The following CNTN1 variants were observed in gnomAD, a reference collection of about 807,000 sequenced individuals.
The protein encoded by CNTN1 is contactin-1.
In CNTN1, 38 loss-of-function variants were observed where a neutral mutation model predicts 126.4. The ratio of observed to expected loss-of-function variants is 0.30; its 90% CI spans 0.23 to 0.39. The LOEUF (loss-of-function observed/expected upper bound fraction) is 0.39, where lower values mean the gene tolerates loss of function less well. CNTN1 is among the 10% of genes least tolerant of loss of function. CNTN1 has a pLI of 1.00. For synonymous variants in CNTN1, 413 were observed against 422.6 expected (o/e 0.98, Z 0.28); for missense variants, 1,009 against 1,248.4 (o/e 0.81, Z 2.89).
At chr12:41,017,472 T>C (rs1410409708) in intron 19 of CNTN1, among the ~76,000 whole-genome samples, 1 of 151,624 alleles carries the variant, frequency 6.6e-6, no homozygotes, top group Non-Finnish European at 1.5e-5. Context: ...ATGTGTTTAA[T>C]TGCAGCATTT....
intron 15 of CNTN1, among the ~76,000 whole-genome samples, chr12:40,980,251 G>A (rs935131251): frequency 2.0e-4 from 31 of 152,114 alleles, no homozygotes; most frequent in African/African-American, 6.7e-4. Flanking sequence ...TGGACAACAC[G>A]GTGAAACCCA....
At chr12:41,047,707 T>C (rs970019217) in intron 23 of CNTN1, among the ~76,000 whole-genome samples, 2 of 152,102 alleles carry the variant, frequency 1.3e-5, no homozygotes, top group Non-Finnish European at 2.9e-5. Flanking sequence ...GCCATTCTCT[T>C]TTATACTTCT....
chr12:40,978,187 C>G (rs1208441616), intron 15 of CNTN1, among the ~76,000 whole-genome samples: 1 of 151,974 alleles, frequency 6.6e-6, no homozygotes, highest in Non-Finnish European at 1.5e-5. Flanking sequence ...GAAACTTGCC[C>G]AAGATAAATC....
chr12:40,891,662 CTTTG>C (rs933583013), intron 1 of CNTN1, among the ~76,000 whole-genome samples: 52 of 152,022 alleles, frequency 3.4e-4, no homozygotes, highest in African/African-American at 1.2e-3. Context: ...ATTAAATTGC[CTTTG>C]TTTCTTTGTC....
At position 41,006,227 on chromosome 12, in the gene CNTN1, G is replaced by A. The variant is rs570339324; in HGVS notation, c.2114-8001G>A. Among the ~76,000 whole-genome samples, 3 of 152,290 alleles carry A rather than the reference G, an allele frequency of 2.0e-5. No homozygotes were observed. The South Asian group carries it at 6.2e-4, about 32-fold the overall frequency. On this transcript the variant is annotated intron_variant, in intron 17 of 23. Transcript: ENST00000551295. Reference sequence around the variant, plus strand: ...CTGGACTGCATGCTATAACTCTGGGGGACTCATATTAGGCCCTGACTTTGT... The same window carrying A: ...CTGGACTGCATGCTATAACTCTGGGAGACTCATATTAGGCCCTGACTTTGT...
intron 1 of CNTN1, among the ~76,000 whole-genome samples, chr12:40,832,107 A>G (rs1252636243): frequency 4.6e-5 from 7 of 152,204 alleles, no homozygotes; most frequent in Admixed American, 4.6e-4. Flanking sequence ...CCAGAATAAC[A>G]TGTTTAGACT....
At chr12:40,924,704 G>C in intron 6 of CNTN1, 52 bp downstream of exon 6, 5 of 963,092 alleles carry the variant, frequency 5.2e-6, no homozygotes, top group Non-Finnish European at 8.5e-6. Context: ...AAATGGACAA[G>C]TTTCCATTTT....
intron 1 of CNTN1, among the ~76,000 whole-genome samples, chr12:40,782,320 C>T (rs756493444): frequency 2.6e-5 from 4 of 151,614 alleles, no homozygotes; most frequent in Non-Finnish European, 5.9e-5. Flanking sequence ...AAAGGTCAAA[C>T]CCTTTTAGCT....
chr12:40,864,440 A>T (rs1286739497), intron 1 of CNTN1, among the ~76,000 whole-genome samples: 1 of 152,086 alleles, frequency 6.6e-6, no homozygotes, highest in Non-Finnish European at 1.5e-5. Flanking sequence ...TAATTTCAGA[A>T]CATTTTTATT....
chr12:40,841,806 G>A (rs1011944902), intron 1 of CNTN1, among the ~76,000 whole-genome samples: 5 of 151,928 alleles, frequency 3.3e-5, no homozygotes, highest in Admixed American at 6.6e-5. Context: ...TAGGACAAAC[G>A]CATAGCTAAC....
At chr12:40,973,036 A>G (rs1341183725) in intron 15 of CNTN1, among the ~76,000 whole-genome samples, 1 of 152,094 alleles carries the variant, frequency 6.6e-6, no homozygotes. Context: ...AAAGGAAATC[A>G]TAGGACAGAT....
At chr12:40,696,241 C>G (rs1246590718) in intron 1 of CNTN1, among the ~76,000 whole-genome samples, 1 of 152,200 alleles carries the variant, frequency 6.6e-6, no homozygotes, top group Admixed American at 6.5e-5. Flanking sequence ...CCTAAACTGG[C>G]TTTTATCAAT....
At chr12:40,874,473 T>C (rs1328252410) in intron 1 of CNTN1, among the ~76,000 whole-genome samples, 1 of 152,160 alleles carries the variant, frequency 6.6e-6, no homozygotes, top group Non-Finnish European at 1.5e-5. Context: ...TAGATGTGTA[T>C]ATTATTTTAC....
Position 40,947,828 on chromosome 12 carries a change from C to CAT in CNTN1, c.1683+3661_1683+3662dup, listed in dbSNP as rs1555186380. Among the ~76,000 whole-genome samples the CAT allele has an allele frequency of 2.5e-3, 354 of 142,954 alleles. 10 individuals carry two copies. The highest frequency in any genetic ancestry group is 6.7e-3 in the African/African-American group (259 of 38,742). 93.8% of individuals were successfully genotyped at this position (142,954 alleles called of 152,430 possible). On this transcript the variant is annotated intron_variant, in intron 14 of 23. Transcript: ENST00000551295. ...ACACACACACACACACACACACACA[C>CAT]ATATGTATTACTCTTATTACAAATA...
At chr12:40,720,142 C>T (rs953934256) in intron 1 of CNTN1, among the ~76,000 whole-genome samples, 2 of 149,920 alleles carry the variant, frequency 1.3e-5, no homozygotes, top group African/African-American at 2.5e-5. Flanking sequence ...TGAGCCACCG[C>T]GCCAAGCCTA....
chr12:40,877,936 C>T (rs1943724622), intron 1 of CNTN1, among the ~76,000 whole-genome samples: 1 of 151,608 alleles, frequency 6.6e-6, no homozygotes, highest in South Asian at 2.1e-4. Context: ...TATTGAAGTC[C>T]CCATCCTGCT....
At chr12:40,738,099 A>G (rs901494689) in intron 1 of CNTN1, among the ~76,000 whole-genome samples, 17 of 152,100 alleles carry the variant, frequency 1.1e-4, no homozygotes, top group African/African-American at 3.9e-4. Context: ...TAAATAATCT[A>G]TAAATCCCAA....
chr12:40,715,879 T>G (rs1156513945), intron 1 of CNTN1, among the ~76,000 whole-genome samples: 4 of 152,102 alleles, frequency 2.6e-5, no homozygotes, highest in Non-Finnish European at 4.4e-5. Context: ...ACAATACTGA[T>G]CTGATGCCTG....
chr12:40,742,841 T>C (rs1938004107), intron 1 of CNTN1, among the ~76,000 whole-genome samples: 1 of 152,052 alleles, frequency 6.6e-6, no homozygotes. Context: ...GAGTGAAGCA[T>C]TAGCATATGG....
Sources: gnomAD v4.1 joint callset for allele counts (sites outside exome capture counted in the v4.1 genomes callset) on GRCh38, gnomAD v4.1.1 for gene constraint, MANE v1.5 for transcripts, NCBI Gene and HGNC (gene_info 2026-07-23, HGNC 2026-07-21) for gene names.